Variants in BSDC1 observed in about 807,000 individuals in gnomAD.
BSDC1 encodes BSD domain containing 1, also known as BSD domain-containing protein 1.
Under a neutral mutation model 56.0 loss-of-function variants are expected in BSDC1, and 29 were observed. The ratio of observed to expected loss-of-function variants is 0.52; its 90% CI spans 0.39 to 0.71. BSDC1 has a LOEUF of 0.71. Among genes scored for constraint, BSDC1 ranks in the 30% least tolerant of loss-of-function variants. The pLI is 0.00. For missense variants in BSDC1, 477 were observed against 548.5 expected (o/e 0.87, Z 1.30); for synonymous variants, 210 against 215.3 (o/e 0.98, Z 0.21).
At chr1:32,392,020 G>A (rs1403393232) in intron 2 of BSDC1, among the ~76,000 whole-genome samples, 2 of 152,182 alleles carry the variant, frequency 1.3e-5, no homozygotes, top group African/African-American at 4.8e-5. Flanking sequence ...GAGGAACTGA[G>A]GCCTAGAGAG....
chr1:32,393,999 T>A, intron 2 of BSDC1, 81 bp downstream of exon 2: 1 of 1,444,274 alleles, frequency 6.9e-7, no homozygotes, highest in Non-Finnish European at 9.5e-7. Context: ...CCCGCAAAAG[T>A]TGGGCGGGGC....
chr1:32,377,007 G>A (rs771680682), intron 8 of BSDC1, among the ~76,000 whole-genome samples: 4 of 152,130 alleles, frequency 2.6e-5, no homozygotes, highest in Non-Finnish European at 5.9e-5. Context: ...GTGGTGGCAC[G>A]TGCCTGTAAT....
chr1:32,369,339 C>G (rs1349418136), intron 9 of BSDC1: 2 of 1,286,082 alleles, frequency 1.6e-6, no homozygotes, highest in Admixed American at 4.6e-5. Context: ...GACCTTGTCT[C>G]TAGAAAAAAA....
At chr1:32,390,632 C>G (rs74066504) in intron 2 of BSDC1, among the ~76,000 whole-genome samples, 1 of 152,072 alleles carries the variant, frequency 6.6e-6, no homozygotes, top group Admixed American at 6.6e-5. Flanking sequence ...TAAAGCTGGC[C>G]GGGCATGGTG....
rs1642115494 is a variant in BSDC1 at position 32,372,133 on chromosome 1, G to A, written c.1157-3583C>T. Among the ~76,000 whole-genome samples the A allele has an allele frequency of 2.6e-5, 4 of 152,182 alleles. No individual in the cohort carries two copies. In the South Asian group the frequency reaches 6.2e-4, roughly 24 times the overall value. ...AAGTGCCTATTACATACATACACAT[G>A]GCTATGTAATGAATGGTGCTGCCTT... On this transcript the variant is annotated intron_variant, in intron 9 of 10. Transcript: ENST00000455895.
rs1642287109 is a variant in BSDC1, at chr1:32,376,435, G to A, written c.983C>T (p.Pro328Leu). The A allele has an allele frequency of 6.2e-7, 1 of 1,613,258 alleles. No individual in the cohort carries two copies. Among genetic ancestry groups the A allele is most frequent in the Non-Finnish European group, 8.5e-7 (1 of 1,179,330 alleles). The change falls in exon 9 of 11, where the codon CCC (proline) becomes CTC (leucine). Residue 328 changes from proline to leucine, a missense_variant. Coordinates refer to ENST00000455895, the MANE Select transcript of BSDC1 (RefSeq NM_018045.8). Reference protein sequence around the residue: ...GLAVDVGETGPSPPIHSKPLT... With the variant: ...GLAVDVGETGLSPPIHSKPLT... The stretch of plus-strand genomic sequence containing the variant: ...GGGCTTGGAGTGAATAGGGGGTGAG[G>A]GTCCAGTCTCACCCACATCCACAGC...
chr1:32,367,341 G>A (rs1348917524), intron 10 of BSDC1: 1 of 985,316 alleles, frequency 1.0e-6, no homozygotes, highest in Admixed American at 6.1e-5. Flanking sequence ...GACACAAAAA[G>A]CCAGCAAGCC....
At chr1:32,387,616 T>C (rs889598540) in intron 2 of BSDC1, among the ~76,000 whole-genome samples, 2 of 152,200 alleles carry the variant, frequency 1.3e-5, no homozygotes, top group African/African-American at 2.4e-5. Flanking sequence ...GTTGAGATTA[T>C]AGGCGTGAGC....
At chr1:32,371,768 T>C (rs2148113217) in intron 9 of BSDC1, among the ~76,000 whole-genome samples, 1 of 152,246 alleles carries the variant, frequency 6.6e-6, no homozygotes, top group East Asian at 1.9e-4. Context: ...ATTCCTTCTA[T>C]GGTATCCTGC....
intron 9 of BSDC1, among the ~76,000 whole-genome samples, chr1:32,368,794 G>A (rs551785404): frequency 5.8e-4 from 89 of 152,176 alleles, no homozygotes; most frequent in Non-Finnish European, 1.1e-3. Context: ...TGCTTCCCAG[G>A]TTCAAGCGAT....
intron 2 of BSDC1, among the ~76,000 whole-genome samples, chr1:32,388,551 TC>T (rs973945047): frequency 3.3e-5 from 5 of 152,164 alleles, no homozygotes; most frequent in African/African-American, 1.2e-4. Context: ...GGGTGCTTTG[TC>T]TGTCAGGGCA....
rs200886384 is a variant in BSDC1 at position 32,373,667 on chromosome 1, C to T, written c.1156+2595G>A. Among the ~76,000 whole-genome samples, 4 of 152,146 alleles carry T rather than the reference C, an allele frequency of 2.6e-5. No individual in the cohort carries two copies. The East Asian group carries it at 7.7e-4, about 29-fold the overall frequency. On this transcript the variant is annotated intron_variant, in intron 9 of 10. Transcript: ENST00000455895. ...TCCCGAGTAGCTGGGACTACAGGCA[C>T]GTGCCACCACATCTGGCTAATTTTT...
intron 5 of BSDC1, among the ~76,000 whole-genome samples, chr1:32,379,286 C>T (rs947987413): frequency 2.6e-5 from 4 of 152,166 alleles, no homozygotes; most frequent in African/African-American, 7.2e-5. Context: ...ATCTGAGTCT[C>T]TGTGGGCTTC....
rs79694648 is a variant in BSDC1, at chr1:32,384,815, G to A, written c.190-818C>T. On this transcript the variant is annotated intron_variant, in intron 3 of 10. Coordinates refer to ENST00000455895, the MANE Select transcript of BSDC1 (RefSeq NM_018045.8). ...CATTTTAAACCTAGAACCTATCATA[G>A]TGCCTGGCACATATTGTTACAGGTA... 2.7e-3 allele frequency among the ~76,000 whole-genome samples: 411 copies of A among 151,766 alleles called. 6 individuals are homozygous for A. The highest frequency in any genetic ancestry group is 9.5e-3 in the African/African-American group (391 of 41,348).
chr1:32,368,416 C>T (rs774411299), intron 10 of BSDC1, 31 bp downstream of exon 10: 6 of 1,614,142 alleles, frequency 3.7e-6, no homozygotes, highest in South Asian at 1.1e-5. Flanking sequence ...CCATTAGGCT[C>T]GCTTCCCTCT....
intron 2 of BSDC1, among the ~76,000 whole-genome samples, chr1:32,391,725 C>A (rs1008291392): frequency 2.6e-5 from 4 of 151,966 alleles, no homozygotes; most frequent in Non-Finnish European, 4.4e-5. Context: ...GTCTTCAGGG[C>A]AATGTGTTCT....
At chr1:32,380,539 G>C (rs914678307) in intron 5 of BSDC1, among the ~76,000 whole-genome samples, 1 of 152,084 alleles carries the variant, frequency 6.6e-6, no homozygotes, top group Non-Finnish European at 1.5e-5. Context: ...CCAGCTACTC[G>C]GGAGGCTGAG....
Position 32,388,061 on chromosome 1 carries a change from T to G in BSDC1, c.73-1166A>C, listed in dbSNP as rs549328486. On this transcript the variant is annotated intron_variant, in intron 2 of 10. Coordinates refer to ENST00000455895, the MANE Select transcript of BSDC1 (RefSeq NM_018045.8). ...AGACCCTCAGCTCACTTCTAGGTCT[T>G]GCCCTGTCTTGCTTCAGACTCACCA... Among the ~76,000 whole-genome samples the G allele has an allele frequency of 2.0e-5, 3 of 152,338 alleles. 1 individual carries two copies. In the South Asian group the frequency reaches 6.2e-4, roughly 32 times the overall value.
chr1:32,375,949 T>C (rs1642264633), intron 9 of BSDC1, among the ~76,000 whole-genome samples: 1 of 152,230 alleles, frequency 6.6e-6, no homozygotes, highest in Non-Finnish European at 1.5e-5. Flanking sequence ...TCACTTTTTT[T>C]CATTTGTAAA....
Sources: allele counts gnomAD v4.1 joint callset (sites outside exome capture counted in the v4.1 genomes callset), GRCh38; gene constraint gnomAD v4.1.1; transcripts MANE v1.5; gene names NCBI Gene and HGNC (gene_info 2026-07-23, HGNC 2026-07-21).